The following GABRG3 variants were observed in gnomAD, a reference collection of about 807,000 sequenced individuals.
GABRG3 encodes gamma-aminobutyric acid type A receptor subunit gamma3.
Under a neutral mutation model 48.8 loss-of-function variants are expected in GABRG3, and 25 were observed. The observed-to-expected ratio is 0.51, with a 90% CI of 0.37 to 0.72. The LOEUF (loss-of-function observed/expected upper bound fraction) is 0.72. Ranked by LOEUF, GABRG3 falls within the 30% of genes least tolerant of loss-of-function variation. The pLI is 0.00. For synonymous variants in GABRG3, 227 were observed against 217.6 expected (o/e 1.04, Z -0.38); for missense variants, 394 against 577.9 (o/e 0.68, Z 3.26).
chr15:27,444,487 C>T (rs1888883271), intron 5 of GABRG3, among the ~76,000 whole-genome samples: 1 of 151,976 alleles, frequency 6.6e-6, no homozygotes, highest in African/African-American at 2.4e-5. Flanking sequence ...ATATTTTTTA[C>T]CTTCACTGGA....
intron 6 of GABRG3, among the ~76,000 whole-genome samples, chr15:27,491,930 A>C (rs1484437247): frequency 2.0e-5 from 3 of 152,136 alleles, no homozygotes; most frequent in Non-Finnish European, 4.4e-5. Flanking sequence ...TGCTACTGTT[A>C]TTTACAGAAT....
At chr15:27,473,626 A>T (rs1340940531) in intron 5 of GABRG3, among the ~76,000 whole-genome samples, 1 of 152,162 alleles carries the variant, frequency 6.6e-6, no homozygotes, top group Non-Finnish European at 1.5e-5. Flanking sequence ...TTTTATTGTT[A>T]TTTAAGAAAA....
Position 27,534,037 on chromosome 15 carries a change from T to G in GABRG3, c.*1156T>G, listed in dbSNP as rs1446626802. 6.6e-6 allele frequency: 1 copy of G among 151,928 alleles called. No individual in the cohort carries two copies. The highest frequency in any genetic ancestry group is 1.5e-5 in the Non-Finnish European group (1 of 68,024). 9.4% of individuals were successfully genotyped at this position (151,928 alleles called of 1,614,324 possible). A position where few individuals can be genotyped will look rare whatever the true frequency, so the allele number is the denominator to read the frequency against. On this transcript the variant is annotated 3_prime_UTR_variant, in exon 10 of 10. Transcript: ENST00000615808. Reference sequence around the variant, plus strand: ...ATTTTTGTTTTTTGTTTTTTGGGTTTTTTTAGTAGAGACGGGGTTTCACCA... The same window carrying G: ...ATTTTTGTTTTTTGTTTTTTGGGTTGTTTTAGTAGAGACGGGGTTTCACCA...
At chr15:27,393,007 C>T (rs1438833184) in intron 5 of GABRG3, among the ~76,000 whole-genome samples, 1 of 152,026 alleles carries the variant, frequency 6.6e-6, no homozygotes, top group Admixed American at 6.5e-5. Context: ...TAGAACTAGC[C>T]ATTTCTAAGA....
rs1893333289 is a variant in GABRG3 at position 27,319,111 on chromosome 15, G to A, written c.271-7698G>A. On this transcript the variant is annotated intron_variant, in intron 3 of 9. Transcript: ENST00000615808. This position sits in a 1 kb window ranked among gnomAD's most constrained non-coding sequence, Gnocchi z 4.4. Reference sequence around the variant, plus strand: ...TGTGAGGTGATGGATGTGTTAATTAGCTTGATTGTGGTAACGATTTCACAA... The same window carrying A: ...TGTGAGGTGATGGATGTGTTAATTAACTTGATTGTGGTAACGATTTCACAA... 6.6e-6 allele frequency among the ~76,000 whole-genome samples: 1 copy of A among 152,162 alleles called. No homozygotes were observed. The highest frequency in any genetic ancestry group is 1.5e-5 in the Non-Finnish European group (1 of 68,030).
chr15:27,027,909 G>T (rs1264398559), intron 3 of GABRG3, among the ~76,000 whole-genome samples: 1 of 152,130 alleles, frequency 6.6e-6, no homozygotes, highest in South Asian at 2.1e-4. Context: ...TCTTGCATTT[G>T]TTCCACAACC....
chr15:27,175,919 G>C (rs965513109), intron 3 of GABRG3, among the ~76,000 whole-genome samples: 1 of 152,018 alleles, frequency 6.6e-6, no homozygotes, highest in African/African-American at 2.4e-5. Context: ...CAGCAGGCCT[G>C]GGGCAAATTA....
intron 3 of GABRG3, among the ~76,000 whole-genome samples, chr15:27,249,141 T>C (rs1193369518): frequency 1.3e-5 from 2 of 152,172 alleles, no homozygotes; most frequent in Non-Finnish European, 2.9e-5. Flanking sequence ...ACTCAGGTGA[T>C]GCGGCTGCGG....
At chr15:27,240,544 C>T (rs1890101550) in intron 3 of GABRG3, among the ~76,000 whole-genome samples, 1 of 152,058 alleles carries the variant, frequency 6.6e-6, no homozygotes, top group Admixed American at 6.6e-5. Context: ...TTTTGCTTTC[C>T]TTTGAATTAC....
chr15:27,200,589 C>G (rs1194273612), intron 3 of GABRG3, among the ~76,000 whole-genome samples: 1 of 152,106 alleles, frequency 6.6e-6, no homozygotes, highest in Non-Finnish European at 1.5e-5. Flanking sequence ...GCAAAGTGAC[C>G]CTTTTCACCT....
intron 5 of GABRG3, among the ~76,000 whole-genome samples, chr15:27,383,407 T>C (rs1323443214): frequency 6.6e-6 from 1 of 152,206 alleles, no homozygotes; most frequent in African/African-American, 2.4e-5. Flanking sequence ...CCATAGAAAC[T>C]AGGAGACTGC....
Position 27,520,130 on chromosome 15 carries a change from T to A in GABRG3, c.865+6T>A, listed in dbSNP as rs1276547531. 6.3e-7 allele frequency: 1 copy of A among 1,586,718 alleles called. No homozygotes were observed. The highest frequency in any genetic ancestry group is 1.9e-5 in the Admixed American group (1 of 53,434). On this transcript the variant is annotated splice_donor_region_variant and intron_variant, in intron 7 of 9. Transcript: ENST00000615808. ...GCCAGCAAGAACAGCATTAGGTGAG[T>A]TTCAAAAAATCTCTTCCACAAATTT...
intron 3 of GABRG3, among the ~76,000 whole-genome samples, chr15:27,162,468 G>C (rs1435588508): frequency 6.6e-6 from 1 of 152,180 alleles, no homozygotes; most frequent in East Asian, 1.9e-4. Context: ...ACTGGCCACT[G>C]TGCAGCTTTG....
chr15:27,308,577 TAAAC>T (rs1479828234), intron 3 of GABRG3, among the ~76,000 whole-genome samples: 1 of 147,572 alleles, frequency 6.8e-6, no homozygotes, highest in African/African-American at 2.4e-5. Flanking sequence ...AAACATAATG[TAAAC>T]ATACATTTAT....
chr15:26,978,394 T>C (rs2140635663), intron 2 of GABRG3, among the ~76,000 whole-genome samples: 1 of 152,330 alleles, frequency 6.6e-6, no homozygotes, highest in African/African-American at 2.4e-5. Flanking sequence ...CTAAGAATTC[T>C]GCATGAAGCC....
chr15:27,235,366 T>A (rs1309387900), intron 3 of GABRG3, among the ~76,000 whole-genome samples: 1 of 152,170 alleles, frequency 6.6e-6, no homozygotes, highest in East Asian at 1.9e-4. Flanking sequence ...CCTCAGGCTT[T>A]CTTAGATGGT....
intron 5 of GABRG3, among the ~76,000 whole-genome samples, chr15:27,368,909 G>A (rs756107658): frequency 1.3e-5 from 2 of 152,180 alleles, no homozygotes; most frequent in African/African-American, 4.8e-5. Flanking sequence ...GCTCCAAGTC[G>A]AAGGAACCCC....
In GABRG3 at chr15:27,485,359, G is replaced by A. The variant is rs976627366; in HGVS notation, c.712+4572G>A. Among the ~76,000 whole-genome samples the A allele has an allele frequency of 1.1e-4, 17 of 152,132 alleles. 1 individual carries two copies. Among genetic ancestry groups the A allele is most frequent in the African/African-American group, 3.9e-4 (16 of 41,436 alleles). ...CAGACATTTTCTGAATTTCAAAACT[G>A]TGAAAAGAAGAAAGCGAAGAAAACA... On this transcript the variant is annotated intron_variant, in intron 6 of 9. Coordinates refer to ENST00000615808, the MANE Select transcript of GABRG3 (RefSeq NM_033223.5).
Position 27,257,475 on chromosome 15 carries a change from T to A in GABRG3, c.271-69334T>A, listed in dbSNP as rs573736411. 2.6e-5 allele frequency among the ~76,000 whole-genome samples: 4 copies of A among 151,112 alleles called. No homozygotes were observed. The East Asian group carries it at 7.7e-4, about 29-fold the overall frequency. On this transcript the variant is annotated intron_variant, in intron 3 of 9. Coordinates refer to ENST00000615808, the MANE Select transcript of GABRG3 (RefSeq NM_033223.5). Reference sequence around the variant, plus strand: ...CCCAGACCAATGTCATGGAGCTTTTTCCCTGTTTTCTCCTAGAAGTTCTAT... The same window carrying A: ...CCCAGACCAATGTCATGGAGCTTTTACCCTGTTTTCTCCTAGAAGTTCTAT...
Sources: gnomAD v4.1 joint callset for allele counts (sites outside exome capture counted in the v4.1 genomes callset) on GRCh38, gnomAD v4.1.1 for gene constraint, Gnocchi (gnomAD v3.1) non-coding constraint, MANE v1.5 for transcripts, NCBI Gene and HGNC (gene_info 2026-07-23, HGNC 2026-07-21) for gene names.